The following AFAP1L1 variants were observed in gnomAD, a reference collection of about 807,000 sequenced individuals.
AFAP1L1 encodes the protein actin filament-associated protein 1-like 1.
AFAP1L1 carries 77 observed loss-of-function variants against 99.8 expected under a neutral mutation model. The observed-to-expected ratio is 0.77, with a 90% CI of 0.64 to 0.93. The LOEUF (loss-of-function observed/expected upper bound fraction) is 0.93, where lower values mean the gene tolerates loss of function less well. Ranked by LOEUF, AFAP1L1 falls within the 40% of genes least tolerant of loss-of-function variation. AFAP1L1 has a pLI of 0.00. For synonymous variants in AFAP1L1, 373 were observed against 395.3 expected, an observed-to-expected ratio of 0.94 and a Z score of 0.67; for missense variants, 893 against 996.8, an observed-to-expected ratio of 0.90 and a Z score of 1.40.
intron 9 of AFAP1L1, among the ~76,000 whole-genome samples, chr5:149,313,014 C>T (rs923911411): frequency 2.0e-5 from 3 of 151,696 alleles, no homozygotes; most frequent in African/African-American, 7.3e-5. Context: ...GTAATCCCAG[C>T]TACTCAGGAG....
chr5:149,280,967 C>T lies in AFAP1L1; in HGVS notation c.16+8983C>T, dbSNP rs78354040. On this transcript the variant is annotated intron_variant, in intron 1 of 18. Transcript: ENST00000296721. ...AAGCCCTGGCTCAGCCGCTCACTTC[C>T]GTGTTATGAGAACATACCTTTTTTT... Among the ~76,000 whole-genome samples the T allele has an allele frequency of 1.4e-3, 210 of 152,336 alleles. 6 individuals are homozygous for T. In the East Asian group the frequency reaches 0.038, roughly 28 times the overall value.
intron 1 of AFAP1L1, among the ~76,000 whole-genome samples, chr5:149,291,109 G>C (rs1466751652): frequency 6.6e-6 from 1 of 152,228 alleles, no homozygotes; most frequent in Non-Finnish European, 1.5e-5. Context: ...TCAGGATTGA[G>C]TAGAGAGCTA....
chr5:149,310,945 C>A (rs1017401885), intron 8 of AFAP1L1, among the ~76,000 whole-genome samples: 3 of 152,152 alleles, frequency 2.0e-5, no homozygotes, highest in Admixed American at 1.3e-4. Context: ...CTGTTTTTTT[C>A]ATCTGTGAAA....
intron 16 of AFAP1L1, among the ~76,000 whole-genome samples, 156 bp from the exon 17 acceptor site, chr5:149,332,539 T>C (rs1757285344): frequency 6.6e-6 from 1 of 152,188 alleles, no homozygotes; most frequent in South Asian, 2.1e-4. Flanking sequence ...AATCCTAGTA[T>C]GGAGCTGGAA....
chr5:149,299,668 T>A, intron 2 of AFAP1L1, 31 bp downstream of exon 2: 1 of 1,613,460 alleles, frequency 6.2e-7, no homozygotes, highest in African/African-American at 1.3e-5. Context: ...CTGGAGGAGC[T>A]CCACTTATGT....
intron 18 of AFAP1L1, among the ~76,000 whole-genome samples, chr5:149,338,519 T>C (rs900870670): frequency 3.9e-5 from 6 of 152,220 alleles, no homozygotes; most frequent in African/African-American, 1.2e-4. Context: ...CAGGTTGGAA[T>C]TGAATTTCAG....
chr5:149,307,129 C>A lies in AFAP1L1; in HGVS notation c.536-273C>A, dbSNP rs1756440125. 2.0e-5 allele frequency among the ~76,000 whole-genome samples: 3 copies of A among 152,128 alleles called. No individual in the cohort carries two copies. In the South Asian group the frequency reaches 6.2e-4, roughly 32 times the overall value. ...AGGTGTGGTGGTGGGTGCCTATAAT[C>A]TCAGCTACTTGGGAGGCTGAGACAG... On this transcript the variant is annotated intron_variant, in intron 6 of 18. Coordinates refer to ENST00000296721, the MANE Select transcript of AFAP1L1 (RefSeq NM_152406.4).
At chr5:149,311,326 A>G (rs1228548973) in intron 8 of AFAP1L1, among the ~76,000 whole-genome samples, 1 of 152,152 alleles carries the variant, frequency 6.6e-6, no homozygotes, top group East Asian at 1.9e-4. Flanking sequence ...CGGCAGACGA[A>G]TCCCTAGACT....
Position 149,316,271 on chromosome 5 carries a change from C to A in AFAP1L1, c.1235C>A (p.Thr412Lys), listed in dbSNP as rs755734545. ...AAGACACTGGCCGATGACCTGCAGA[C>A]GTCCTCCACCGAGGAGGAGGTTCCC... is the stretch of plus-strand genomic sequence containing the variant. ...KKKTLADDLQ[T>K]SSTEEEVPCC... Residue 412 changes from threonine (T) to lysine (K), a missense_variant, in exon 11 of 19, where the codon ACG becomes AAG. Physicochemically the swap from Thr to Lys is moderately conservative, Grantham distance 78 (BLOSUM62 -1). Coordinates refer to ENST00000296721, the MANE Select transcript of AFAP1L1 (RefSeq NM_152406.4). 1.6e-5 allele frequency: 26 copies of A among 1,613,938 alleles called. No individual in the cohort carries two copies. Among genetic ancestry groups the A allele is most frequent in the Non-Finnish European group, 2.1e-5 (25 of 1,180,002 alleles).
At position 149,299,537 on chromosome 5, in the gene AFAP1L1, C is replaced by T. The variant is rs199577925; in HGVS notation, c.45C>T (p.Thr15=). The T allele has an allele frequency of 2.6e-4, 423 of 1,614,140 alleles. No homozygotes were observed. Among genetic ancestry groups the T allele is most frequent in the Non-Finnish European group, 3.5e-4 (408 of 1,180,004 alleles). ...QVLEQLLPEL[T]GLLSLLDHEY... is the part of the protein sequence containing the mutation. ...TGGAGCAGCTGCTCCCAGAGCTCACCGGGCTGCTCAGCCTCCTGGACCACG... is the reference window on the plus strand; with the variant it reads ...TGGAGCAGCTGCTCCCAGAGCTCACTGGGCTGCTCAGCCTCCTGGACCACG... The change falls in exon 2 of 19, where the codon ACC becomes ACT. Residue 15 remains threonine, a synonymous_variant. Transcript: ENST00000296721.
chr5:149,286,960 TG>T (rs1402076663), intron 1 of AFAP1L1, among the ~76,000 whole-genome samples: 1 of 152,350 alleles, frequency 6.6e-6, no homozygotes, highest in East Asian at 1.9e-4. Context: ...TTTCCAACCC[TG>T]GCTCCTATGG....
chr5:149,297,793 G>A (rs1375969572), intron 1 of AFAP1L1, among the ~76,000 whole-genome samples: 5 of 152,236 alleles, frequency 3.3e-5, no homozygotes, highest in Non-Finnish European at 5.9e-5. Flanking sequence ...GAGAGTCACA[G>A]TCCAGTCCAC....
intron 12 of AFAP1L1, among the ~76,000 whole-genome samples, chr5:149,318,717 T>C (rs757902161): frequency 6.6e-6 from 1 of 152,232 alleles, no homozygotes; most frequent in African/African-American, 2.4e-5. Flanking sequence ...CTCTTCCACA[T>C]GGCAACCCTT....
In AFAP1L1 at chr5:149,319,932, G is replaced by A. The variant is rs114510886; in HGVS notation, c.1625+205G>A. ...GGAAGTAGCCCAGAGTCAGAGGCAA[G>A]CTGTGGATGGAAGGAGCAAAAGTAG... On this transcript the variant is annotated intron_variant, in intron 13 of 18. Transcript: ENST00000296721. Among the ~76,000 whole-genome samples, 1,161 of 152,366 alleles carry A rather than the reference G, an allele frequency of 7.6e-3. 15 individuals carry two copies. The highest frequency in any genetic ancestry group is 0.027 in the African/African-American group (1,108 of 41,592).
chr5:149,288,744 C>T (rs1006169151), intron 1 of AFAP1L1, among the ~76,000 whole-genome samples: 1 of 152,218 alleles, frequency 6.6e-6, no homozygotes, highest in South Asian at 2.1e-4. Flanking sequence ...CCTCTACCCC[C>T]TCCTGTGTGG....
intron 12 of AFAP1L1, among the ~76,000 whole-genome samples, chr5:149,318,241 A>T (rs1561679355): frequency 6.6e-6 from 1 of 152,244 alleles, no homozygotes; most frequent in East Asian, 1.9e-4. Context: ...TTCATCTGAC[A>T]TTCAAATTAA....
chr5:149,305,624 C>T (rs1407310399), intron 5 of AFAP1L1, among the ~76,000 whole-genome samples: 2 of 152,148 alleles, frequency 1.3e-5, no homozygotes, highest in African/African-American at 4.8e-5. Flanking sequence ...CCCAGCACTG[C>T]ACCGTACTAC....
intron 1 of AFAP1L1, among the ~76,000 whole-genome samples, chr5:149,298,155 CG>C (rs1162373414): frequency 1.3e-5 from 2 of 152,162 alleles, no homozygotes; most frequent in East Asian, 3.9e-4. Flanking sequence ...CCTGCAGCTC[CG>C]GGTCAGTGTC....
At chr5:149,274,155 G>A (rs1755233298) in intron 1 of AFAP1L1, among the ~76,000 whole-genome samples, 2 of 152,084 alleles carry the variant, frequency 1.3e-5, no homozygotes, top group South Asian at 2.1e-4. Context: ...CTTTAGTGTC[G>A]GCCTCCCTAC....
Sources: allele counts gnomAD v4.1 joint callset (sites outside exome capture counted in the v4.1 genomes callset), GRCh38; gene constraint gnomAD v4.1.1; transcripts MANE v1.5; gene names NCBI Gene and HGNC (gene_info 2026-07-23, HGNC 2026-07-21).